The following TRPM5 variants were observed in gnomAD, a reference collection of about 807,000 sequenced individuals.
TRPM5 encodes the protein MLSN1 and TRP-related.
In TRPM5, 121 loss-of-function variants were observed where a neutral mutation model predicts 124.9. That is an observed-to-expected ratio of 0.97 (90% confidence interval 0.84 to 1.13). The LOEUF is 1.13. Among genes scored for constraint, TRPM5 ranks in the 50% most tolerant of loss-of-function variants. TRPM5 has a pLI of 0.00. For synonymous variants in TRPM5, 781 were observed against 700.5 expected (o/e 1.11, Z -1.81); for missense variants, 1,643 against 1,589.1 (o/e 1.03, Z -0.58).
At chr11:2,426,543 C>T (rs1845841829), upstream of TRPM5, among the ~76,000 whole-genome samples, 1 of 152,106 alleles carries the variant, frequency 6.6e-6, no homozygotes, top group Non-Finnish European at 1.5e-5. Flanking sequence ...GAGGCAGCCC[C>T]CCAGACGGTG....
In TRPM5 at chr11:2,422,899, AGGCCTGG is replaced by A; in HGVS notation, c.117+14_117+20del. The A allele has an allele frequency of 6.2e-7, 1 of 1,601,112 alleles. No individual in the cohort carries two copies. The highest frequency in any genetic ancestry group is 8.6e-7 in the Non-Finnish European group (1 of 1,168,888). On this transcript the variant is annotated intron_variant, in intron 1 of 23. Coordinates refer to ENST00000155858, the Ensembl canonical transcript of TRPM5. Reference sequence around the variant, plus strand: ...TCCAGGTCAAGGCGGACATCACCTGAGGCCTGGGGCCTGCCCTTACCTTGCCTCGCTT... The same window carrying A: ...TCCAGGTCAAGGCGGACATCACCTGAGGCCTGCCCTTACCTTGCCTCGCTT...
chr11:2,415,334 C>T, exon 9 of TRPM5: 2 of 1,585,498 alleles, frequency 1.3e-6, no homozygotes, highest in South Asian at 2.2e-5. Context: ...TCTTGCGTGA[C>T]ACGGAGCGGT....
chr11:2,438,499 C>A, the TRPM5 span, among the ~76,000 whole-genome samples: 1 of 152,032 alleles, frequency 6.6e-6, no homozygotes, highest in Non-Finnish European at 1.5e-5. This position sits in a 1 kb window ranked among gnomAD's most constrained non-coding sequence, Gnocchi z 5.9. Context: ...AACCCCAACT[C>A]TACAAAAAAA....
intron 21 of TRPM5, 159 bp from the exon 27 acceptor site, chr11:2,406,250 C>G (rs567335184): frequency 2.7e-4 from 202 of 753,658 alleles, no homozygotes; most frequent in Middle Eastern, 1.3e-3. Context: ...ACCAGGACCC[C>G]TCAAAGTGCA....
At chr11:2,431,630 AAAG>A in the TRPM5 span, among the ~76,000 whole-genome samples, 1 of 152,176 alleles carries the variant, frequency 6.6e-6, no homozygotes, top group Admixed American at 6.5e-5. Context: ...AATAAAACCC[AAAG>A]AAGCCTTGGA....
the TRPM5 span, among the ~76,000 whole-genome samples, chr11:2,435,159 G>A: frequency 1.3e-5 from 2 of 152,248 alleles, no homozygotes; most frequent in Admixed American, 1.3e-4. This position sits in a 1 kb window ranked among gnomAD's most constrained non-coding sequence, Gnocchi z 4.1. Context: ...GGGAGACACA[G>A]ACAACAAGCA....
chr11:2,414,687 G>T, intron 11 of TRPM5, 28 bp downstream of exon 16: 1 of 1,521,086 alleles, frequency 6.6e-7, no homozygotes. Context: ...CCCGCGCGCG[G>T]GCCCGGCCCC....
intron 18 of TRPM5, among the ~76,000 whole-genome samples, chr11:2,409,909 G>A (rs775310250): frequency 7.9e-5 from 12 of 152,294 alleles, no homozygotes; most frequent in Admixed American, 2.6e-4. Flanking sequence ...TTCTCCCGTC[G>A]AGAAGGAGGC....
At chr11:2,429,100 GTAA>G in the TRPM5 span, among the ~76,000 whole-genome samples, 1 of 150,848 alleles carries the variant, frequency 6.6e-6, no homozygotes, top group Non-Finnish European at 1.5e-5. This position sits in a 1 kb window ranked among gnomAD's most constrained non-coding sequence, Gnocchi z 8.4. Flanking sequence ...GGAGGTGGTA[GTAA>G]TGATGATGGT....
At chr11:2,440,040 C>A in the TRPM5 span, among the ~76,000 whole-genome samples, 7 of 152,180 alleles carry the variant, frequency 4.6e-5, no homozygotes, top group African/African-American at 1.7e-4. The surrounding 1 kb of genome is among the most constrained non-coding windows in gnomAD (Gnocchi z 5.2). Flanking sequence ...AACATGGGTC[C>A]AGCTGGACAC....
chr11:2,405,628 G>A (rs1333424641), intron 22 of TRPM5, 35 bp from the exon 28 acceptor site: 1 of 1,550,148 alleles, frequency 6.5e-7, no homozygotes, highest in South Asian at 1.2e-5. Context: ...AAGCTCCAGG[G>A]CTCTCTCAGG....
upstream of TRPM5, chr11:2,423,069 C>A (rs747426352): frequency 1.3e-6 from 2 of 1,570,814 alleles, no homozygotes; most frequent in South Asian, 1.1e-5. Flanking sequence ...ATACCCTGGC[C>A]CTTGAGGGCT....
At chr11:2,429,368 GTGA>G in the TRPM5 span, among the ~76,000 whole-genome samples, 5 of 151,602 alleles carry the variant, frequency 3.3e-5, no homozygotes, top group African/African-American at 1.2e-4. The surrounding 1 kb of genome is among the most constrained non-coding windows in gnomAD (Gnocchi z 8.4). Context: ...GATGGTGGTG[GTGA>G]TGATCGTGGT....
chr11:2,440,656 T>C, the TRPM5 span, among the ~76,000 whole-genome samples: 34 of 152,296 alleles, frequency 2.2e-4, no homozygotes, highest in Admixed American at 1.6e-3. The surrounding 1 kb of genome is among the most constrained non-coding windows in gnomAD (Gnocchi z 5.2). Flanking sequence ...TTCGTTTTTT[T>C]TGTCCCACCA....
chr11:2,407,165 G>T, exon 20 of TRPM5: 1 of 1,611,034 alleles, frequency 6.2e-7, no homozygotes. Flanking sequence ...AGACCCGGCG[G>T]AGCGTCAGGC....
At chr11:2,412,860 G>A in exon 15 of TRPM5, 2 of 1,601,198 alleles carry the variant, frequency 1.2e-6, no homozygotes, top group Admixed American at 1.7e-5. Flanking sequence ...CAGGACGTAG[G>A]TGAACAGGAA....
chr11:2,410,723 GC>G (rs1046754570), intron 18 of TRPM5: 18 of 455,310 alleles, frequency 4.0e-5, no homozygotes, highest in African/African-American at 2.6e-4. Context: ...GCCCCAGCCA[GC>G]TACAGGGGTC....
upstream of TRPM5, among the ~76,000 whole-genome samples, chr11:2,424,345 G>A (rs1225041094): frequency 4.6e-5 from 7 of 152,234 alleles, no homozygotes; most frequent in Non-Finnish European, 1.0e-4. Context: ...TGGGGCAGAG[G>A]CTAAGGCCAA....
chr11:2,414,009 G>GGGCGGCCCCCCCCCCCCCC, intron 12 of TRPM5, 52 bp downstream of exon 17: 1 of 1,023,734 alleles, frequency 9.8e-7, no homozygotes, highest in Non-Finnish European at 1.4e-6. Context: ...GGCCCAGCTC[G>GGGCGGCCCCCCCCCCCCCC]CCCGCCCACC....
Sources: allele counts gnomAD v4.1 joint callset (sites outside exome capture counted in the v4.1 genomes callset), GRCh38; gene constraint gnomAD v4.1.1; non-coding constraint Gnocchi (gnomAD v3.1); transcripts MANE v1.5; gene names NCBI Gene and HGNC (gene_info 2026-07-23, HGNC 2026-07-21).